The following MAU2 variants were observed in gnomAD, a reference collection of about 807,000 sequenced individuals.
The protein encoded by MAU2 is MAU2 sister chromatid cohesion factor.
In MAU2, 9 loss-of-function variants were observed where a neutral mutation model predicts 89.1. That is an observed-to-expected ratio of 0.10 (90% CI 0.06 to 0.18). MAU2 has a LOEUF of 0.18. Ranked by LOEUF, MAU2 falls within the 10% of genes least tolerant of loss-of-function variation. The pLI is 1.00. For synonymous variants in MAU2, 357 were observed against 343.4 expected (o/e 1.04, Z -0.44); for missense variants, 425 against 803.5 (o/e 0.53, Z 5.69).
chr19:19,335,645 G>T, intron 1 of MAU2, 73 bp from the exon 2 acceptor site: 2 of 1,499,214 alleles, frequency 1.3e-6, no homozygotes, highest in Non-Finnish European at 9.3e-7. Context: ...ACCTGTGGAA[G>T]CCCCAGAGCG....
At chr19:19,330,790 A>G (rs1409103316) in intron 1 of MAU2, among the ~76,000 whole-genome samples, 1 of 151,826 alleles carries the variant, frequency 6.6e-6, no homozygotes, top group Non-Finnish European at 1.5e-5. Context: ...AGTCCCAGCT[A>G]CTTGGGAGAC....
Position 19,336,033 on chromosome 19 carries a change from G to C in MAU2, c.295-89G>C, listed in dbSNP as rs553876171. The stretch of plus-strand genomic sequence containing the variant: ...CAGGCAGGGACGTGTGTGCCCTGCA[G>C]ACCTTGGCAGGGTAGGAGCCCCAAG... On this transcript the variant is annotated intron_variant, in intron 2 of 18. Transcript: ENST00000262815. The C allele has an allele frequency of 1.4e-5, 13 of 936,252 alleles. No individual in the cohort carries two copies. The South Asian group carries it at 1.5e-4, about 11-fold the overall frequency. 58.0% of individuals were successfully genotyped at this position (936,252 alleles called of 1,614,324 possible).
chr19:19,351,490 T>TG (rs75346823), intron 16 of MAU2, among the ~76,000 whole-genome samples: 152,219 of 152,224 alleles, frequency 1, 76,107 homozygotes, highest in Non-Finnish European at 1. Context: ...ACCAACATAG[T>TG]AGATCTGAGA....
Position 19,336,130 on chromosome 19 carries a change from G to A in MAU2, c.303G>A (p.Gln101=). Reference sequence around the variant, plus strand: ...TAACTGGACGTCACTAGATCCCGCAGTTCGAAGATGTTAAATTTGAAGCAG... The same window carrying A: ...TAACTGGACGTCACTAGATCCCGCAATTCGAAGATGTTAAATTTGAAGCAG... ...KAWLISQQIP[Q]FEDVKFEAAS... is the part of the protein sequence containing the mutation. The change falls in exon 3 of 19, where the codon CAG becomes CAA. Residue 101 remains glutamine, a synonymous_variant. Coordinates refer to ENST00000262815, the MANE Select transcript of MAU2 (RefSeq NM_015329.4). 6.2e-7 allele frequency: 1 copy of A among 1,613,010 alleles called. No individual in the cohort carries two copies. The highest frequency in any genetic ancestry group is 1.1e-5 in the South Asian group (1 of 91,058).
intron 16 of MAU2, among the ~76,000 whole-genome samples, chr19:19,350,092 C>G (rs2146705797): frequency 6.8e-6 from 1 of 147,808 alleles, no homozygotes; most frequent in South Asian, 2.1e-4. Flanking sequence ...GTCAGGAGTT[C>G]AAGACCAGCC....
At chr19:19,354,490 T>A in intron 17 of MAU2, 45 bp downstream of exon 17, 3 of 1,532,738 alleles carry the variant, frequency 2.0e-6, no homozygotes, top group Non-Finnish European at 2.7e-6. Context: ...AGCCTGGCCC[T>A]CCCCAGAGAT....
rs2048198350 is a variant in MAU2, at chr19:19,357,987, G to A, written c.*2205G>A. On this transcript the variant is annotated 3_prime_UTR_variant, in exon 19 of 19. Coordinates refer to ENST00000262815, the MANE Select transcript of MAU2 (RefSeq NM_015329.4). ...AGTCCCAGCTAACTGGGAGGCTGAG[G>A]CAGGAGGATCACTTGAGCCCAGGAG... The A allele has an allele frequency of 6.6e-6, 1 of 151,860 alleles. No homozygotes were observed. The highest frequency in any genetic ancestry group is 2.4e-5 in the African/African-American group (1 of 41,292). 9.4% of individuals were successfully genotyped at this position (151,860 alleles called of 1,614,324 possible).
intron 7 of MAU2, among the ~76,000 whole-genome samples, chr19:19,342,171 C>G (rs879689209): frequency 1.3e-5 from 2 of 152,124 alleles, no homozygotes; most frequent in Non-Finnish European, 2.9e-5. Flanking sequence ...ATTCCTGGGC[C>G]AGGAAGCCAC....
chr19:19,352,041 G>T (rs1309440646), intron 16 of MAU2, among the ~76,000 whole-genome samples: 3 of 151,648 alleles, frequency 2.0e-5, no homozygotes, highest in African/African-American at 7.3e-5. Context: ...TAGAAATGGG[G>T]TTTCGCCATG....
rs767485958 is a variant in MAU2 at position 19,342,902 on chromosome 19, C to T, written c.973+36C>T. 12 of 1,605,436 alleles carry T rather than the reference C, an allele frequency of 7.5e-6. No homozygotes were observed. The East Asian group carries it at 1.6e-4, about 21-fold the overall frequency. On this transcript the variant is annotated intron_variant, in intron 9 of 18. Coordinates refer to ENST00000262815, the MANE Select transcript of MAU2 (RefSeq NM_015329.4). Reference sequence around the variant, plus strand: ...TGCTCGGCTGGCCACATGGCCACAGCGACCCCTGGCGGACGGCCTGGCCAG... The same window carrying T: ...TGCTCGGCTGGCCACATGGCCACAGTGACCCCTGGCGGACGGCCTGGCCAG...
chr19:19,348,733 C>T (rs2061715740), intron 13 of MAU2, 156 bp from the exon 14 acceptor site: 1 of 804,370 alleles, frequency 1.2e-6, no homozygotes, highest in African/African-American at 1.7e-5. Flanking sequence ...CGGCCCTTCT[C>T]ACCAGAGGCT....
intron 12 of MAU2, among the ~76,000 whole-genome samples, chr19:19,346,426 C>G (rs34858588): frequency 0.065 from 9,954 of 152,252 alleles, 407 homozygotes; most frequent in East Asian, 0.12. Context: ...AAAAGAGAGC[C>G]TCTTTTTCAT....
Position 19,341,299 on chromosome 19 carries a change from C to A in MAU2, c.627C>A (p.Thr209=). The A allele has an allele frequency of 6.2e-7, 1 of 1,613,122 alleles. No homozygotes were observed. Among genetic ancestry groups the A allele is most frequent in the South Asian group, 1.1e-5 (1 of 91,038 alleles). Residue 209 remains threonine (T), a synonymous_variant, in exon 7 of 19, where the codon ACC becomes ACA. Transcript: ENST00000262815. ...TGCAGGAGGTGCACCCGCTGCTGACCCTCTGCGGGCAGATCGTGGAGAACT... is the reference window on the plus strand; with the variant it reads ...TGCAGGAGGTGCACCCGCTGCTGACACTCTGCGGGCAGATCGTGGAGAACT... ...RKLQEVHPLL[T]LCGQIVENWQ...
intron 16 of MAU2, among the ~76,000 whole-genome samples, chr19:19,349,848 C>A (rs891033729): frequency 3.3e-5 from 5 of 152,194 alleles, no homozygotes; most frequent in African/African-American, 4.8e-5. Flanking sequence ...AGTGTCCTCT[C>A]AGGGTACAAG....
chr19:19,334,528 A>G (rs1180801456), intron 1 of MAU2: 1 of 985,528 alleles, frequency 1.0e-6, no homozygotes, highest in Non-Finnish European at 1.2e-6. Context: ...TCCAGGCCTC[A>G]CTGGCTCCTC....
Position 19,343,924 on chromosome 19 carries a change from C to T in MAU2, c.1061C>T (p.Ala354Val), listed in dbSNP as rs1180545162. 6.2e-7 allele frequency: 1 copy of T among 1,612,518 alleles called. No homozygotes were observed. ...TGCCGCCTTGTCACGGGTCACAAGG[C>T]CACGGCGCTGCAGGAGGTAAGGCTG... ...IMCRLVTGHK[A>V]TALQEISQVC... The change falls in exon 10 of 19, where the codon GCC (alanine) becomes GTC (valine). Residue 354 changes from alanine (A) to valine (V), a missense_variant. Transcript: ENST00000262815.
chr19:19,342,246 G>A (rs2061655609), intron 7 of MAU2, among the ~76,000 whole-genome samples: 1 of 152,164 alleles, frequency 6.6e-6, no homozygotes, highest in Non-Finnish European at 1.5e-5. Flanking sequence ...AAGACCAAGT[G>A]CAGCTCCAGC....
At chr19:19,325,543 G>A (rs187428892) in intron 1 of MAU2, among the ~76,000 whole-genome samples, 5 of 150,460 alleles carry the variant, frequency 3.3e-5, no homozygotes, top group East Asian at 4.0e-4. Flanking sequence ...GCAGTGGTGC[G>A]ATTTCAGCTC....
At chr19:19,332,826 C>T (rs559629102) in intron 1 of MAU2, among the ~76,000 whole-genome samples, 4 of 152,294 alleles carry the variant, frequency 2.6e-5, no homozygotes, top group Admixed American at 2.6e-4. Context: ...CCTGTAATCC[C>T]AGCACTTCGG....
Sources: allele counts gnomAD v4.1 joint callset (sites outside exome capture counted in the v4.1 genomes callset), GRCh38; gene constraint gnomAD v4.1.1; transcripts MANE v1.5; gene names NCBI Gene and HGNC (gene_info 2026-07-23, HGNC 2026-07-21).